Variants in TGFBR2 observed in about 807,000 individuals in gnomAD.
TGFBR2 encodes TGF-beta receptor type-2.
TGFBR2 carries 18 observed loss-of-function variants against 49.0 expected under a neutral mutation model. That is an observed-to-expected ratio of 0.37 (90% CI 0.25 to 0.54). The LOEUF (loss-of-function observed/expected upper bound fraction) is 0.54. TGFBR2 is among the 20% of genes least tolerant of loss of function. TGFBR2 has a pLI of 0.85. For missense variants in TGFBR2, 525 were observed against 722.6 expected (o/e 0.73, Z 3.13); for synonymous variants, 282 against 275.9 (o/e 1.02, Z -0.22).
At chr3:30,656,007 G>A (rs997353894) in intron 3 of TGFBR2, among the ~76,000 whole-genome samples, 1 of 152,208 alleles carries the variant, frequency 6.6e-6, no homozygotes, top group African/African-American at 2.4e-5. Flanking sequence ...AAGGCCTTCA[G>A]TGATTTGTTT....
rs547446936 is a variant in TGFBR2, at chr3:30,651,320, C to A, written c.454+860C>A. On this transcript the variant is annotated intron_variant, in intron 3 of 6. Coordinates refer to ENST00000295754, the MANE Select transcript of TGFBR2 (RefSeq NM_003242.6). The stretch of plus-strand genomic sequence containing the variant: ...ATTGACAATGTATTAGATGCACACA[C>A]GTCTCTATCATTCATTCATATTATC... 8.5e-5 allele frequency among the ~76,000 whole-genome samples: 13 copies of A among 152,220 alleles called. No individual in the cohort carries two copies. The South Asian group carries it at 2.1e-3, about 24-fold the overall frequency.
At chr3:30,618,574 C>A (rs1458317508) in intron 1 of TGFBR2, among the ~76,000 whole-genome samples, 1 of 152,154 alleles carries the variant, frequency 6.6e-6, no homozygotes, top group African/African-American at 2.4e-5. Flanking sequence ...CTGCATTAAT[C>A]ATGTTTACCT....
intron 1 of TGFBR2, among the ~76,000 whole-genome samples, chr3:30,607,893 T>C (rs1697959888): frequency 6.8e-6 from 1 of 146,838 alleles, no homozygotes; most frequent in African/African-American, 2.5e-5. Context: ...GGAATGGGGG[T>C]TCTTAACTAT....
At chr3:30,637,145 G>A (rs925624719) in intron 1 of TGFBR2, among the ~76,000 whole-genome samples, 15 of 151,698 alleles carry the variant, frequency 9.9e-5, no homozygotes, top group South Asian at 2.1e-4. Context: ...GTTGCAAGCA[G>A]ATGGCACCCT....
chr3:30,630,218 C>T (rs1162860195), intron 1 of TGFBR2, among the ~76,000 whole-genome samples: 3 of 152,218 alleles, frequency 2.0e-5, no homozygotes, highest in Admixed American at 1.3e-4. Context: ...GGGTTCTCAC[C>T]CCAGAATGAG....
intron 5 of TGFBR2, among the ~76,000 whole-genome samples, chr3:30,677,200 T>G (rs1187062811): frequency 6.6e-6 from 1 of 152,234 alleles, no homozygotes; most frequent in Non-Finnish European, 1.5e-5. Flanking sequence ...TGTTGATATT[T>G]GCTGAGTGTG....
intron 1 of TGFBR2, among the ~76,000 whole-genome samples, chr3:30,618,658 A>G (rs201382103): frequency 2.0e-5 from 3 of 152,308 alleles, no homozygotes; most frequent in East Asian, 1.9e-4. Flanking sequence ...ATACCACAGC[A>G]TTTCTTAAAA....
intron 1 of TGFBR2, among the ~76,000 whole-genome samples, chr3:30,621,052 C>G (rs930029467): frequency 6.6e-6 from 1 of 152,128 alleles, no homozygotes; most frequent in Non-Finnish European, 1.5e-5. Context: ...CCCATCCATC[C>G]TGAATAAACA....
In TGFBR2 at chr3:30,649,609, GT is replaced by G. The variant is rs890018981; in HGVS notation, c.264-653del. Among the ~76,000 whole-genome samples, 8 of 151,948 alleles carry G rather than the reference GT, an allele frequency of 5.3e-5. No homozygotes were observed. The East Asian group carries it at 1.5e-3, about 29-fold the overall frequency. ...CCCTTTCCATTTCTTTTATTTATTT[GT>G]TTTTTTTGTTTGTTTGTTTTTTCTG... On this transcript the variant is annotated intron_variant, in intron 2 of 6. Coordinates refer to ENST00000295754, the MANE Select transcript of TGFBR2 (RefSeq NM_003242.6).
At chr3:30,643,200 A>G (rs1247161015) in intron 1 of TGFBR2, among the ~76,000 whole-genome samples, 3 of 152,236 alleles carry the variant, frequency 2.0e-5, no homozygotes, top group East Asian at 3.8e-4. Context: ...CGGAGGGAAC[A>G]TGAGGCTTTT....
At chr3:30,628,225 G>T (rs1698370921) in intron 1 of TGFBR2, among the ~76,000 whole-genome samples, 1 of 151,782 alleles carries the variant, frequency 6.6e-6, no homozygotes, top group African/African-American at 2.4e-5. Flanking sequence ...GCATGGAGTG[G>T]TAGGGATTAT....
chr3:30,670,230 G>T (rs1476519966), intron 3 of TGFBR2, among the ~76,000 whole-genome samples: 5 of 152,160 alleles, frequency 3.3e-5, no homozygotes, highest in Non-Finnish European at 7.4e-5. Context: ...CTTAAAGGCA[G>T]TTTTTTGCTA....
chr3:30,688,329 C>T, intron 5 of TGFBR2, 55 bp from the exon 6 acceptor site: 2 of 1,613,450 alleles, frequency 1.2e-6, no homozygotes, highest in Admixed American at 3.3e-5. Flanking sequence ...TGCTCATTTC[C>T]TTTGGCTGCA....
At chr3:30,619,071 C>G (rs1006518216) in intron 1 of TGFBR2, among the ~76,000 whole-genome samples, 1 of 151,570 alleles carries the variant, frequency 6.6e-6, no homozygotes, top group African/African-American at 2.4e-5. Context: ...TTTTCTTTGC[C>G]TTTGACATCT....
At position 30,625,913 on chromosome 3, in the gene TGFBR2, C is replaced by G. The variant is rs953320067; in HGVS notation, c.95-18834C>G. Among the ~76,000 whole-genome samples, 3 of 152,258 alleles carry G rather than the reference C, an allele frequency of 2.0e-5. No homozygotes were observed. The East Asian group carries it at 5.8e-4, about 29-fold the overall frequency. ...CCATCTCTAACTACTACATTTTTTC[C>G]TATTGAATTCTCCAGTCCATGTAGC... On this transcript the variant is annotated intron_variant, in intron 1 of 6. Coordinates refer to ENST00000295754, the MANE Select transcript of TGFBR2 (RefSeq NM_003242.6).
chr3:30,684,219 C>T (rs1423807370), intron 5 of TGFBR2, among the ~76,000 whole-genome samples: 1 of 151,682 alleles, frequency 6.6e-6, no homozygotes, highest in Admixed American at 6.6e-5. Context: ...CATGTATACA[C>T]ACTGCCAAAC....
intron 1 of TGFBR2, among the ~76,000 whole-genome samples, chr3:30,631,606 A>G (rs1322146912): frequency 1.4e-5 from 2 of 144,608 alleles, no homozygotes; most frequent in African/African-American, 5.2e-5. Flanking sequence ...CCTTAACAAT[A>G]CTTGCAACTT....
chr3:30,635,809 A>G (rs148368602), intron 1 of TGFBR2, among the ~76,000 whole-genome samples: 21 of 152,308 alleles, frequency 1.4e-4, no homozygotes, highest in African/African-American at 5.1e-4. Context: ...ATGAGCCAAA[A>G]TGCTAGTGAA....
chr3:30,670,736 C>T (rs1225492812), intron 3 of TGFBR2, among the ~76,000 whole-genome samples: 1 of 152,272 alleles, frequency 6.6e-6, no homozygotes, highest in East Asian at 1.9e-4. Context: ...CCACAGGGGC[C>T]TGCTTCAGAA....
Sources: allele counts gnomAD v4.1 joint callset (sites outside exome capture counted in the v4.1 genomes callset), GRCh38; gene constraint gnomAD v4.1.1; transcripts MANE v1.5; gene names NCBI Gene and HGNC (gene_info 2026-07-23, HGNC 2026-07-21).